PLCE1: variants seen among roughly 807,000 people sequenced by gnomAD.
The protein encoded by PLCE1 is 1-phosphatidylinositol 4,5-bisphosphate phosphodiesterase epsilon-1.
A neutral mutation model predicts 242.8 loss-of-function variants in PLCE1; 119 were observed. That is an observed-to-expected ratio of 0.49 (90% CI 0.42 to 0.57). PLCE1 has a LOEUF of 0.57. PLCE1 is among the 20% of genes least tolerant of loss of function. The pLI is 0.00. For missense variants in PLCE1, 2,441 were observed against 2,788.8 expected (o/e 0.88, Z 2.81); for synonymous variants, 945 against 1,017.4 (o/e 0.93, Z 1.35).
chr10:94,163,101 G>A (rs1308187690), intron 3 of PLCE1, among the ~76,000 whole-genome samples: 1 of 152,192 alleles, frequency 6.6e-6, no homozygotes, highest in Non-Finnish European at 1.5e-5. Flanking sequence ...TGGAATAGGT[G>A]TGGTGTGGTG....
intron 2 of PLCE1, among the ~76,000 whole-genome samples, chr10:94,066,888 A>T (rs2044211664): frequency 6.6e-6 from 1 of 152,230 alleles, no homozygotes; most frequent in Non-Finnish European, 1.5e-5. Flanking sequence ...CCACAATGGT[A>T]TTCCAAACCT....
At chr10:94,254,368 T>C in intron 10 of PLCE1, 61 bp downstream of exon 10, 1 of 1,122,604 alleles carries the variant, frequency 8.9e-7, no homozygotes, top group Non-Finnish European at 1.4e-6. Context: ...AAAAAAAGTA[T>C]ACATTTGGTT....
intron 2 of PLCE1, among the ~76,000 whole-genome samples, chr10:94,065,518 GC>G (rs2044173570): frequency 6.6e-6 from 1 of 152,050 alleles, no homozygotes; most frequent in East Asian, 1.9e-4. Context: ...AATTCTACAG[GC>G]CTCACTCTGT....
intron 2 of PLCE1, among the ~76,000 whole-genome samples, chr10:94,066,202 G>A (rs1329416931): frequency 6.6e-6 from 1 of 152,162 alleles, no homozygotes; most frequent in Non-Finnish European, 1.5e-5. Context: ...AAGGGAAAGG[G>A]TGAATGGGCC....
chr10:94,165,720 T>C (rs1179451492), intron 3 of PLCE1, among the ~76,000 whole-genome samples: 2 of 152,112 alleles, frequency 1.3e-5, no homozygotes, highest in Non-Finnish European at 2.9e-5. Flanking sequence ...TGATCTTTTT[T>C]TTTTTGAGAC....
At chr10:94,091,401 G>A (rs1332776756) in intron 2 of PLCE1, among the ~76,000 whole-genome samples, 2 of 152,104 alleles carry the variant, frequency 1.3e-5, no homozygotes, top group Non-Finnish European at 2.9e-5. Context: ...TCAAACTTTC[G>A]TATGCCTAAG....
intron 23 of PLCE1, among the ~76,000 whole-genome samples, chr10:94,296,599 C>G (rs2133500907): frequency 6.6e-6 from 1 of 152,258 alleles, no homozygotes; most frequent in Middle Eastern, 3.4e-3. Context: ...AGTTCAGGGC[C>G]TTACTCTCAA....
At position 94,254,718 on chromosome 10, in the gene PLCE1, A is replaced by C. The variant is rs760980706; in HGVS notation, c.3398-175A>C. 1.2e-4 allele frequency among the ~76,000 whole-genome samples: 19 copies of C among 152,202 alleles called. 1 individual carries two copies. Among genetic ancestry groups the C allele is most frequent in the Admixed American group, 1.2e-3 (18 of 15,278 alleles). On this transcript the variant is annotated intron_variant, in intron 10 of 32. Coordinates refer to ENST00000371380, the MANE Select transcript of PLCE1 (RefSeq NM_016341.4). Reference sequence around the variant, plus strand: ...TCCCAGACAGTTCTAACATGTAGCCAGTTGAGACCCCACCAGATTAGCCCA... The same window carrying C: ...TCCCAGACAGTTCTAACATGTAGCCCGTTGAGACCCCACCAGATTAGCCCA...
In PLCE1 at chr10:94,107,725, G is replaced by A. The variant is rs553747490; in HGVS notation, c.1207-24449G>A. On this transcript the variant is annotated intron_variant, in intron 2 of 32. Transcript: ENST00000371380. ...TAGACATTCACATTGAGGTCAAGGAGTCTAACCGTATGTACAGCCCTGTAG... is the reference window on the plus strand; with the variant it reads ...TAGACATTCACATTGAGGTCAAGGAATCTAACCGTATGTACAGCCCTGTAG... The A allele has an allele frequency of 3.3e-5, 5 of 152,218 alleles. No individual in the cohort carries two copies. The East Asian group carries it at 9.7e-4, about 29-fold the overall frequency. 9.4% of individuals were successfully genotyped at this position (152,218 alleles called of 1,614,324 possible). A position where few individuals can be genotyped will look rare whatever the true frequency, so the allele number is the denominator to read the frequency against.
intron 2 of PLCE1, among the ~76,000 whole-genome samples, chr10:94,081,064 T>G (rs2044640713): frequency 6.6e-6 from 1 of 152,240 alleles, no homozygotes; most frequent in Non-Finnish European, 1.5e-5. Context: ...AAATGTTATC[T>G]CAATCTTGTT....
chr10:94,290,110 T>G (rs1000393897), intron 22 of PLCE1, among the ~76,000 whole-genome samples: 10 of 152,072 alleles, frequency 6.6e-5, no homozygotes, highest in African/African-American at 2.4e-4. Context: ...CACCGTAACC[T>G]TGAACTCCCA....
chr10:94,317,742 T>TC (rs2053626154), intron 29 of PLCE1, among the ~76,000 whole-genome samples: 2 of 152,092 alleles, frequency 1.3e-5, no homozygotes, highest in Admixed American at 6.6e-5. Flanking sequence ...ACTTTTTTTT[T>TC]TCCCTGAATT....
chr10:94,226,831 C>CTCTTTTTTTTT (rs67656949), intron 4 of PLCE1, among the ~76,000 whole-genome samples: 3 of 101,822 alleles, frequency 2.9e-5, no homozygotes, highest in African/African-American at 3.9e-5. Context: ...ACCTATAGGT[C>CTCTTTTTTTTT]TTTTTTTTTT....
intron 2 of PLCE1, among the ~76,000 whole-genome samples, chr10:94,074,252 G>C (rs2135149980): frequency 6.6e-6 from 1 of 150,506 alleles, no homozygotes; most frequent in Non-Finnish European, 1.5e-5. Flanking sequence ...GAGTGCAGTG[G>C]CTCAAACATG....
intron 17 of PLCE1, among the ~76,000 whole-genome samples, chr10:94,269,353 C>G (rs750866207): frequency 1.3e-5 from 2 of 151,998 alleles, no homozygotes; most frequent in Non-Finnish European, 2.9e-5. Flanking sequence ...CCGCCCGCCC[C>G]TCAGCCTCCC....
chr10:94,055,362 G>A (rs963805897), intron 2 of PLCE1, among the ~76,000 whole-genome samples: 1 of 150,986 alleles, frequency 6.6e-6, no homozygotes, highest in African/African-American at 2.4e-5. Context: ...TTGGACTAGA[G>A]TGTGGTGGTG....
chr10:94,134,009 T>C (rs1407325267), intron 3 of PLCE1, among the ~76,000 whole-genome samples: 1 of 152,184 alleles, frequency 6.6e-6, no homozygotes, highest in Non-Finnish European at 1.5e-5. Flanking sequence ...TTGGCATTGT[T>C]TTAATGCTTG....
chr10:94,268,923 A>G lies in PLCE1; in HGVS notation c.4282-6A>G. Reference sequence around the variant, plus strand: ...CCTGGGGTGGATTCGCTCATTGATCACACAGGTCCTTTTGCAAGGCTGTCG... The same window carrying G: ...CCTGGGGTGGATTCGCTCATTGATCGCACAGGTCCTTTTGCAAGGCTGTCG... On this transcript the variant is annotated splice_polypyrimidine_tract_variant and splice_region_variant and intron_variant, in intron 16 of 32. Coordinates refer to ENST00000371380, the MANE Select transcript of PLCE1 (RefSeq NM_016341.4). 1 of 1,579,206 alleles carries G rather than the reference A, an allele frequency of 6.3e-7. No individual in the cohort carries two copies. The highest frequency in any genetic ancestry group is 8.7e-7 in the Non-Finnish European group (1 of 1,148,412).
At chr10:94,013,686 C>T (rs2061217869) in intron 1 of PLCE1, among the ~76,000 whole-genome samples, 3 of 152,116 alleles carry the variant, frequency 2.0e-5, no homozygotes, top group Admixed American at 2.0e-4. Context: ...TACTAGTGTG[C>T]AAATAAGTAA....
Sources: allele counts gnomAD v4.1 joint callset (sites outside exome capture counted in the v4.1 genomes callset), GRCh38; gene constraint gnomAD v4.1.1; transcripts MANE v1.5; gene names NCBI Gene and HGNC (gene_info 2026-07-23, HGNC 2026-07-21).